The following SLC35F1 variants were observed in gnomAD, a reference collection of about 807,000 sequenced individuals.
SLC35F1 encodes the protein chromosome 6 open reading frame 169.
Under a neutral mutation model 48.7 loss-of-function variants are expected in SLC35F1, and 14 were observed. That is an observed-to-expected ratio of 0.29 (90% CI 0.19 to 0.45). The LOEUF is 0.45. SLC35F1 is among the 20% of genes least tolerant of loss of function. The pLI is 1.00. For synonymous variants in SLC35F1, 190 were observed against 202.2 expected (o/e 0.94, Z 0.51); for missense variants, 404 against 500.0 (o/e 0.81, Z 1.83).
At chr6:118,248,222 T>C (rs1775531907) in intron 3 of SLC35F1, among the ~76,000 whole-genome samples, 3 of 152,220 alleles carry the variant, frequency 2.0e-5, no homozygotes, top group African/African-American at 4.8e-5. Context: ...TCTTCTTCCC[T>C]TAAAAGAACT....
chr6:118,054,138 A>G (rs1772430115), intron 1 of SLC35F1, among the ~76,000 whole-genome samples: 2 of 152,142 alleles, frequency 1.3e-5, no homozygotes, highest in African/African-American at 4.8e-5. Context: ...CTTGATTTAC[A>G]TTAATTCATT....
intron 2 of SLC35F1, among the ~76,000 whole-genome samples, chr6:118,231,520 G>A (rs991931961): frequency 1.3e-5 from 2 of 152,074 alleles, no homozygotes; most frequent in Admixed American, 6.6e-5. Context: ...GCTTTTCAAC[G>A]GTTGCATTTT....
At chr6:117,993,931 T>G (rs1776952367) in intron 1 of SLC35F1, among the ~76,000 whole-genome samples, 1 of 152,138 alleles carries the variant, frequency 6.6e-6, no homozygotes, top group Admixed American at 6.5e-5. Flanking sequence ...CAATGCAAAT[T>G]TGTTATTTCA....
chr6:117,938,784 C>A (rs1776191945), intron 1 of SLC35F1, among the ~76,000 whole-genome samples: 2 of 152,154 alleles, frequency 1.3e-5, no homozygotes, highest in African/African-American at 4.8e-5. Flanking sequence ...GGGATATACG[C>A]ACATCACAAG....
intron 1 of SLC35F1, among the ~76,000 whole-genome samples, chr6:117,921,186 G>A (rs1229649995): frequency 6.6e-6 from 1 of 152,060 alleles, no homozygotes; most frequent in East Asian, 1.9e-4. Flanking sequence ...GAGCTCAAGA[G>A]TTAGTTCAAG....
chr6:118,112,072 T>C (rs140625407), intron 1 of SLC35F1, among the ~76,000 whole-genome samples: 6,194 of 143,378 alleles, frequency 0.043, 190 homozygotes, highest in African/African-American at 0.073. Flanking sequence ...TTCTTTCTTT[T>C]TCTTTATTTC....
chr6:118,259,225 A>G (rs1389975525), intron 3 of SLC35F1, among the ~76,000 whole-genome samples: 1 of 152,000 alleles, frequency 6.6e-6, no homozygotes, highest in East Asian at 1.9e-4. Flanking sequence ...AATAAAAAAG[A>G]TAATGTACAA....
rs534520821 is a variant in SLC35F1, at chr6:118,041,109, G to A, written c.174-113336G>A. On this transcript the variant is annotated intron_variant, in intron 1 of 7. Coordinates refer to ENST00000360388, the MANE Select transcript of SLC35F1 (RefSeq NM_001029858.4). ...AAACTGACTTTAAAAAATAATGAAT[G>A]ATTCAATCTAGAATCTGCAAGACTT... Among the ~76,000 whole-genome samples the A allele has an allele frequency of 7.9e-5, 12 of 152,144 alleles. No individual in the cohort carries two copies. The South Asian group carries it at 2.3e-3, about 29-fold the overall frequency.
intron 7 of SLC35F1, among the ~76,000 whole-genome samples, chr6:118,291,342 A>T (rs75099265): frequency 1.1e-4 from 2 of 18,946 alleles, no homozygotes; most frequent in East Asian, 4.5e-4. Flanking sequence ...GAAGATACAT[A>T]AAAAAAGTCT....
intron 2 of SLC35F1, among the ~76,000 whole-genome samples, chr6:118,198,975 G>C (rs548507193): frequency 5.3e-4 from 80 of 152,290 alleles, no homozygotes; most frequent in African/African-American, 1.9e-3. Flanking sequence ...AGAAGCCTAG[G>C]ATCCATGGTG....
intron 3 of SLC35F1, among the ~76,000 whole-genome samples, chr6:118,260,169 G>A (rs978539775): frequency 6.6e-6 from 1 of 152,088 alleles, no homozygotes; most frequent in African/African-American, 2.4e-5. Flanking sequence ...AGTCAGAATA[G>A]GTAAATCCAT....
At chr6:117,956,140 A>C (rs568177292) in intron 1 of SLC35F1, among the ~76,000 whole-genome samples, 1 of 152,264 alleles carries the variant, frequency 6.6e-6, no homozygotes, top group African/African-American at 2.4e-5. Flanking sequence ...CAGGCCTACT[A>C]TTACATGTCT....
At chr6:118,173,768 G>T (rs970390018) in intron 2 of SLC35F1, among the ~76,000 whole-genome samples, 2 of 151,928 alleles carry the variant, frequency 1.3e-5, no homozygotes, top group Non-Finnish European at 2.9e-5. Context: ...GGCAGAGAAA[G>T]AGAGAGAATT....
chr6:117,993,847 G>A (rs565257920), intron 1 of SLC35F1, among the ~76,000 whole-genome samples: 1 of 152,240 alleles, frequency 6.6e-6, no homozygotes, highest in Admixed American at 6.5e-5. Context: ...CCAGCTCTGG[G>A]GCAAGTCCAA....
intron 1 of SLC35F1, among the ~76,000 whole-genome samples, chr6:118,041,858 G>C (rs192668387): frequency 2.8e-4 from 43 of 152,132 alleles, no homozygotes; most frequent in African/African-American, 1.0e-3. Flanking sequence ...AAGTTGTCAT[G>C]CTTGAGTAAT....
In SLC35F1 at chr6:118,210,118, C is replaced by T. The variant is rs1582731208; in HGVS notation, c.350-25391C>T. On this transcript the variant is annotated intron_variant, in intron 2 of 7. Coordinates refer to ENST00000360388, the MANE Select transcript of SLC35F1 (RefSeq NM_001029858.4). The stretch of plus-strand genomic sequence containing the variant: ...AACCCAATTATGCAAATATGTGCCC[C>T]TTCAGAGCTCTTCCACCTTGAGGAG... Among the ~76,000 whole-genome samples the T allele has an allele frequency of 2.0e-5, 3 of 152,278 alleles. 1 individual carries two copies. In the South Asian group the frequency reaches 6.2e-4, roughly 32 times the overall value.
chr6:117,990,874 AGTCTGCGGCTGGTT>A (rs1180309036), intron 1 of SLC35F1, among the ~76,000 whole-genome samples: 22 of 152,300 alleles, frequency 1.4e-4, no homozygotes, highest in African/African-American at 4.8e-4. Flanking sequence ...TCCATCCACC[AGTCTGCGGCTGGTT>A]CTGCTGTAAG....
At chr6:118,154,106 C>A (rs1196219753) in intron 1 of SLC35F1, among the ~76,000 whole-genome samples, 1 of 152,146 alleles carries the variant, frequency 6.6e-6, no homozygotes, top group African/African-American at 2.4e-5. Context: ...AGATGATGTT[C>A]TTTCCCCACC....
intron 7 of SLC35F1, among the ~76,000 whole-genome samples, chr6:118,289,324 G>A (rs958837884): frequency 2.6e-5 from 4 of 152,194 alleles, no homozygotes; most frequent in African/African-American, 4.8e-5. Context: ...ACAGGTTTTA[G>A]TATAAACAGG....
Sources: allele counts gnomAD v4.1 joint callset (sites outside exome capture counted in the v4.1 genomes callset), GRCh38; gene constraint gnomAD v4.1.1; transcripts MANE v1.5; gene names NCBI Gene and HGNC (gene_info 2026-07-23, HGNC 2026-07-21).